Variants in LOC400499 observed in about 807,000 individuals in gnomAD.
chr16:11,393,846 G>T, the LOC400499 span, among the ~76,000 whole-genome samples: 1 of 152,226 alleles, frequency 6.6e-6, no homozygotes, highest in African/African-American at 2.4e-5. Flanking sequence ...AGGAGGCCAA[G>T]ACGGGTGGAT....
chr16:11,460,905 G>A, the LOC400499 span: 2 of 1,464,512 alleles, frequency 1.4e-6, no homozygotes, highest in South Asian at 1.4e-5. Context: ...ACAGCCCTAG[G>A]AAACAGGGCA....
At chr16:11,498,289 T>C in the LOC400499 span, among the ~76,000 whole-genome samples, 1 of 152,134 alleles carries the variant, frequency 6.6e-6, no homozygotes, top group Non-Finnish European at 1.5e-5. Context: ...GAGATAAGCC[T>C]GGCCAACATG....
the LOC400499 span, chr16:11,470,553 G>C: frequency 1.3e-5 from 2 of 152,208 alleles, no homozygotes; most frequent in African/African-American, 2.4e-5. Flanking sequence ...GGGAAGTGCA[G>C]CCTCAGCCAC....
the LOC400499 span, among the ~76,000 whole-genome samples, chr16:11,490,676 G>C: frequency 6.6e-6 from 1 of 152,192 alleles, no homozygotes; most frequent in East Asian, 1.9e-4. Context: ...ACTCCAGGCT[G>C]GGTGACAGAG....
chr16:11,426,893 T>A, the LOC400499 span, among the ~76,000 whole-genome samples: 10 of 60,158 alleles, frequency 1.7e-4, no homozygotes, highest in African/African-American at 2.1e-4. Context: ...CAAGACCCCA[T>A]CTCAAAAAAA....
the LOC400499 span, among the ~76,000 whole-genome samples, chr16:11,462,669 C>T: frequency 6.6e-6 from 1 of 152,162 alleles, no homozygotes; most frequent in African/African-American, 2.4e-5. Flanking sequence ...GTGATCCACC[C>T]GCCCTGGCCT....
At chr16:11,381,830 CCTTTT>C in the LOC400499 span, among the ~76,000 whole-genome samples, 1 of 152,070 alleles carries the variant, frequency 6.6e-6, no homozygotes, top group East Asian at 1.9e-4. Context: ...GCTTTTAGGA[CCTTTT>C]CTTTGTTTTT....
chr16:11,387,425 G>A, the LOC400499 span: 1,807 of 693,338 alleles, frequency 2.6e-3, 23 homozygotes, highest in African/African-American at 0.031. Flanking sequence ...TCAGGGAGGG[G>A]CTGTCCTTGT....
At chr16:11,383,992 C>T in the LOC400499 span, 1 of 1,231,806 alleles carries the variant, frequency 8.1e-7, no homozygotes, top group Non-Finnish European at 1.0e-6. Flanking sequence ...CTCAGTGGCC[C>T]TGCAGTCACC....
chr16:11,517,267 C>T, the LOC400499 span, among the ~76,000 whole-genome samples: 1 of 152,178 alleles, frequency 6.6e-6, no homozygotes, highest in Non-Finnish European at 1.5e-5. Context: ...CCCCTTTCCC[C>T]TGAAAATGGT....
chr16:11,411,348 G>A, the LOC400499 span: 5 of 399,268 alleles, frequency 1.3e-5, no homozygotes, highest in East Asian at 3.6e-5. Flanking sequence ...GGAAAGAGAA[G>A]GCCTGAAGCT....
At chr16:11,479,997 G>A in the LOC400499 span, among the ~76,000 whole-genome samples, 30,603 of 151,930 alleles carry the variant, frequency 0.2, 3,237 homozygotes, top group African/African-American at 0.27. Flanking sequence ...CCAGCTCTCC[G>A]GCTGCTCTAT....
At chr16:11,425,261 C>T in the LOC400499 span, 91,397 of 398,914 alleles carry the variant, frequency 0.23, 11,509 homozygotes, top group East Asian at 0.33. Context: ...TCAGGTTCCT[C>T]GTCTGGGCCT....
the LOC400499 span, among the ~76,000 whole-genome samples, chr16:11,424,939 A>C: frequency 6.6e-6 from 1 of 152,256 alleles, no homozygotes; most frequent in African/African-American, 2.4e-5. Flanking sequence ...GGTGCCCTGA[A>C]GCTGCATGTT....
At chr16:11,522,064 A>G in the LOC400499 span, 1 of 399,122 alleles carries the variant, frequency 2.5e-6, no homozygotes, top group Non-Finnish European at 4.4e-6. Context: ...GTTGGTGGAA[A>G]AATGATAGGT....
the LOC400499 span, chr16:11,460,666 G>A: frequency 1.4e-6 from 2 of 1,475,228 alleles, no homozygotes; most frequent in Non-Finnish European, 1.8e-6. Context: ...CCCTCCACCA[G>A]GGCTCCAAGA....
the LOC400499 span, chr16:11,384,378 C>G: frequency 9.8e-7 from 1 of 1,018,526 alleles, no homozygotes; most frequent in Non-Finnish European, 1.3e-6. Context: ...GATCCTCCCC[C>G]AGCCCCAGCC....
chr16:11,434,772 G>A, the LOC400499 span, among the ~76,000 whole-genome samples: 2 of 152,188 alleles, frequency 1.3e-5, no homozygotes, highest in South Asian at 2.1e-4. Context: ...AGAAACTGAG[G>A]CACAGAAGGG....
chr16:11,505,470 T>TTTTTTTTTTTTTC, the LOC400499 span, among the ~76,000 whole-genome samples: 1 of 112,592 alleles, frequency 8.9e-6, no homozygotes, highest in Non-Finnish European at 1.8e-5. Context: ...TTTTTTTTTT[T>TTTTTTTTTTTTTC]TGGAGAAGAG....
Sources: gnomAD v4.1 joint callset for allele counts (sites outside exome capture counted in the v4.1 genomes callset) on GRCh38, gnomAD v4.1.1 for gene constraint, MANE v1.5 for transcripts.